TEX15: variants seen among roughly 807,000 people sequenced by gnomAD.
The protein encoded by TEX15 is testis expressed 15, meiosis and synapsis associated.
TEX15 carries 171 observed loss-of-function variants against 237.3 expected under a neutral mutation model. That is an observed-to-expected ratio of 0.72 (90% confidence interval 0.64 to 0.82). The LOEUF is 0.82. TEX15 is among the 40% of genes least tolerant of loss of function. The pLI is 0.00. For synonymous variants in TEX15, 1,338 were observed against 1,269.8 expected (o/e 1.05, Z -1.14); for missense variants, 3,750 against 3,646.5 (o/e 1.03, Z -0.73).
intron 6 of TEX15, 94 bp downstream of exon 6, chr8:30,859,817 A>G: frequency 2.1e-6 from 2 of 967,824 alleles, no homozygotes; most frequent in Non-Finnish European, 2.7e-6. Context: ...GAACGAATTA[A>G]GAGATTTTCA....
At chr8:30,870,921 G>C (rs1254851871) in intron 4 of TEX15, among the ~76,000 whole-genome samples, 1 of 151,984 alleles carries the variant, frequency 6.6e-6, no homozygotes, top group Non-Finnish European at 1.5e-5. Context: ...GAGGTTCTAG[G>C]GGAGGATCTC....
At position 30,848,942 on chromosome 8, in the gene TEX15, C is replaced by A. The variant is rs1325223188; in HGVS notation, c.1225G>T (p.Gly409Cys). The A allele has an allele frequency of 6.2e-7, 1 of 1,614,070 alleles. No individual in the cohort carries two copies. Among genetic ancestry groups the A allele is most frequent in the Non-Finnish European group, 8.5e-7 (1 of 1,179,976 alleles). Residue 409 changes from glycine (G) to cysteine (C), a missense_variant, in exon 8 of 11, where the codon GGT (glycine) becomes TGT (cysteine). Physicochemically the swap from Gly to Cys is radical, Grantham distance 159. Coordinates refer to ENST00000643185, the MANE Select transcript of TEX15 (RefSeq NM_001350162.2). ...TGAAGAGGAAAAGAAGCATTAAGAC[C>A]ACTTAAAATATTTTTAAGACTTGTC... is the stretch of plus-strand genomic sequence containing the variant. Reference protein sequence around the residue: ...NWTSLKNILSGLNASFPLHNN... With the variant: ...NWTSLKNILSCLNASFPLHNN...
intron 10 of TEX15, 29 bp from the exon 11 acceptor site, chr8:30,833,352 A>C (rs776862351): frequency 1.3e-6 from 2 of 1,549,756 alleles, no homozygotes; most frequent in South Asian, 2.3e-5. Context: ...CAAAGATTTA[A>C]ATAAATAATT....
Position 30,848,024 on chromosome 8 carries a change from G to A in TEX15, c.2143C>T (p.Pro715Ser). ...TTTTGTGACAGGCTCTCAAAACTTG[G>A]AGTAATTTGCCATTCCAATGCTAGA... Reference protein sequence around the residue: ...DHLALEWQITPSFESLSQKHP... With the variant: ...DHLALEWQITSSFESLSQKHP... The change falls in exon 8 of 11, where the codon CCA becomes TCA. Residue 715 changes from proline to serine, a missense_variant. Transcript: ENST00000643185. The A allele has an allele frequency of 6.2e-7, 1 of 1,613,894 alleles. No homozygotes were observed. Among genetic ancestry groups the A allele is most frequent in the Non-Finnish European group, 8.5e-7 (1 of 1,179,936 alleles).
chr8:30,878,682 T>C (rs1263133694), intron 3 of TEX15, among the ~76,000 whole-genome samples: 1 of 152,176 alleles, frequency 6.6e-6, no homozygotes, highest in Non-Finnish European at 1.5e-5. Context: ...CCACTGTGCC[T>C]GGCCTGCGTG....
rs1358715149 is a variant in TEX15, at chr8:30,845,675, T to C, written c.4492A>G (p.Lys1498Glu). Reference protein sequence around the residue: ...SRKSMASSVSKSHPTTSHMGE... With the variant: ...SRKSMASSVSESHPTTSHMGE... ...ATGTGACTGGTGGTGGGGTGACTTT[T>C]TGAGACACTGCTAGCCATACTTTTC... The change falls in exon 8 of 11, where the codon AAA becomes GAA. Residue 1498 changes from lysine (K) to glutamate (E), a missense_variant. Physicochemically the swap from Lys to Glu is moderately conservative, Grantham distance 56 (BLOSUM62 1). Transcript: ENST00000643185. The C allele has an allele frequency of 1.2e-6, 2 of 1,613,504 alleles. No individual in the cohort carries two copies. Among genetic ancestry groups the C allele is most frequent in the Non-Finnish European group, 8.5e-7 (1 of 1,179,618 alleles).
At chr8:30,898,062 A>G (rs550562495) in intron 2 of TEX15, among the ~76,000 whole-genome samples, 115 of 152,350 alleles carry the variant, frequency 7.5e-4, no homozygotes, top group African/African-American at 2.1e-3. Flanking sequence ...CTTGACTTTC[A>G]AATTAGTTAT....
chr8:30,880,476 C>A (rs1808496858), intron 3 of TEX15, among the ~76,000 whole-genome samples: 1 of 152,164 alleles, frequency 6.6e-6, no homozygotes, highest in South Asian at 2.1e-4. Flanking sequence ...CTCTGCTACT[C>A]CTTAAGACTG....
chr8:30,907,465 C>CAAAATGTATATATAAATTATATAT lies in TEX15; in HGVS notation c.-86+5390_-86+5413dup, dbSNP rs1563281294. On this transcript the variant is annotated intron_variant, in intron 1 of 10. Coordinates refer to ENST00000643185, the MANE Select transcript of TEX15 (RefSeq NM_001350162.2). Reference sequence around the variant, plus strand: ...ATACAATGTATATATAAATTATATACAAAATGTATATATAAATTATATATA... The same window carrying CAAAATGTATATATAAATTATATAT: ...ATACAATGTATATATAAATTATATACAAAATGTATATATAAATTATATATAAAATGTATATATAAATTATATATA... Among the ~76,000 whole-genome samples the CAAAATGTATATATAAATTATATAT allele has an allele frequency of 3.0e-3, 439 of 145,824 alleles. 1 individual carries two copies. The highest frequency in any genetic ancestry group is 4.9e-3 in the Non-Finnish European group (329 of 66,694).
chr8:30,887,048 A>G, intron 3 of TEX15, 119 bp downstream of exon 3: 1 of 868,946 alleles, frequency 1.2e-6, no homozygotes, highest in South Asian at 2.0e-5. Flanking sequence ...TGTTTAAGGA[A>G]TTAGAGACCT....
At position 30,886,565 on chromosome 8, in the gene TEX15, G is replaced by A. The variant is rs531330433; in HGVS notation, c.136+602C>T. On this transcript the variant is annotated intron_variant, in intron 3 of 10. Coordinates refer to ENST00000643185, the MANE Select transcript of TEX15 (RefSeq NM_001350162.2). The stretch of plus-strand genomic sequence containing the variant: ...ATGCATTATTGCTGTGTGATCCTAC[G>A]TGGATCACCACTGGCACCATGGGGA... Among the ~76,000 whole-genome samples, 10 of 151,302 alleles carry A rather than the reference G, an allele frequency of 6.6e-5. No homozygotes were observed. In the South Asian group the frequency reaches 1.5e-3, roughly 22 times the overall value.
At position 30,867,487 on chromosome 8, in the gene TEX15, T is replaced by C; in HGVS notation, c.318A>G (p.Glu106=). ...NFTAKRSEMR[E]SGRHCRELEE... is the part of the protein sequence containing the mutation. The stretch of plus-strand genomic sequence containing the variant: ...CAAGTTCCCTGCAATGTCTTCCACT[T>C]TCACGCATCTCTGACCTAAAGTAAA... The change falls in exon 5 of 11, where the codon GAA becomes GAG. Residue 106 remains glutamate, a synonymous_variant. Transcript: ENST00000643185. 2.0e-6 allele frequency: 3 copies of C among 1,532,582 alleles called. No homozygotes were observed. Among genetic ancestry groups the C allele is most frequent in the Non-Finnish European group, 2.6e-6 (3 of 1,144,150 alleles). The allele number at this position is 1,532,582 out of a possible 1,614,324, so 94.9% of individuals were successfully genotyped here. A position where few individuals can be genotyped will look rare whatever the true frequency, so the allele number is the denominator to read the frequency against.
chr8:30,901,855 A>C (rs561447545), intron 1 of TEX15, among the ~76,000 whole-genome samples: 32 of 152,336 alleles, frequency 2.1e-4, no homozygotes, highest in African/African-American at 7.7e-4. Flanking sequence ...ACTACTACTT[A>C]ACAAAGTTTG....
At chr8:30,877,582 G>A (rs1458009306) in intron 3 of TEX15, among the ~76,000 whole-genome samples, 3 of 151,876 alleles carry the variant, frequency 2.0e-5, no homozygotes, top group Non-Finnish European at 4.4e-5. Flanking sequence ...AATTTTGATA[G>A]TTTCATAACA....
chr8:30,855,006 G>A (rs574691768), intron 7 of TEX15, among the ~76,000 whole-genome samples: 1 of 152,062 alleles, frequency 6.6e-6, no homozygotes, highest in Non-Finnish European at 1.5e-5. Flanking sequence ...CTCCTACAAC[G>A]GACATCATAC....
In TEX15 at chr8:30,843,851, C is replaced by A; in HGVS notation, c.6316G>T (p.Asp2106Tyr). The change falls in exon 8 of 11, where the codon GAT becomes TAT. Residue 2106 changes from aspartate (D) to tyrosine (Y), a missense_variant. Physicochemically the swap from Asp to Tyr is radical, Grantham distance 160. Transcript: ENST00000643185. ...AGAAGCTCAGCATACAGTGTTTCATCATACCAAAGCAAGCTTCGCAATGTT... is the reference window on the plus strand; with the variant it reads ...AGAAGCTCAGCATACAGTGTTTCATAATACCAAAGCAAGCTTCGCAATGTT... ...EPTLRSLLWY[D>Y]ETLYAELLGK... 3 of 1,612,434 alleles carry A rather than the reference C, an allele frequency of 1.9e-6. No individual in the cohort carries two copies. Among genetic ancestry groups the A allele is most frequent in the Non-Finnish European group, 2.5e-6 (3 of 1,179,272 alleles).
At chr8:30,873,089 T>C (rs1296411031) in intron 4 of TEX15, among the ~76,000 whole-genome samples, 2 of 152,154 alleles carry the variant, frequency 1.3e-5, no homozygotes, top group African/African-American at 4.8e-5. Flanking sequence ...CAATGATGCA[T>C]TTCTCACAAC....
In TEX15 at chr8:30,847,442, T is replaced by C. The variant is rs781075727; in HGVS notation, c.2725A>G (p.Asn909Asp). 1 of 1,610,972 alleles carries C rather than the reference T, an allele frequency of 6.2e-7. No individual in the cohort carries two copies. Reference sequence around the variant, plus strand: ...TCTTCAGAACTCAAAATTTCTATATTGTGGTAATTTTTGTCCTCCTTTTCA... The same window carrying C: ...TCTTCAGAACTCAAAATTTCTATATCGTGGTAATTTTTGTCCTCCTTTTCA... Reference protein sequence around the residue: ...IDEKEDKNYHNIEILSSEEFS... With the variant: ...IDEKEDKNYHDIEILSSEEFS... Residue 909 changes from asparagine (N) to aspartate (D), a missense_variant, in exon 8 of 11, where the codon AAT becomes GAT. Coordinates refer to ENST00000643185, the MANE Select transcript of TEX15 (RefSeq NM_001350162.2).
At chr8:30,855,123 C>CA (rs1348457401) in intron 7 of TEX15, among the ~76,000 whole-genome samples, 1 of 151,120 alleles carries the variant, frequency 6.6e-6, no homozygotes, top group Non-Finnish European at 1.5e-5. Flanking sequence ...GGCAATTATG[C>CA]AAAAAAAGAC....
Sources: allele counts gnomAD v4.1 joint callset (sites outside exome capture counted in the v4.1 genomes callset), GRCh38; gene constraint gnomAD v4.1.1; transcripts MANE v1.5; gene names NCBI Gene and HGNC (gene_info 2026-07-23, HGNC 2026-07-21).